Variants in GNPAT observed in about 807,000 individuals in gnomAD.
GNPAT encodes the protein glyceronephosphate O-acyltransferase.
In GNPAT, 30 loss-of-function variants were observed where a neutral mutation model predicts 78.4. The observed-to-expected ratio is 0.38, with a 90% CI of 0.29 to 0.52. The LOEUF (loss-of-function observed/expected upper bound fraction) is 0.52, where lower values mean the gene tolerates loss of function less well. GNPAT is among the 20% of genes least tolerant of loss of function. GNPAT has a pLI of 0.84. For synonymous variants in GNPAT, 271 were observed against 281.1 expected, an observed-to-expected ratio of 0.96 and a Z score of 0.36; for missense variants, 714 against 812.2, an observed-to-expected ratio of 0.88 and a Z score of 1.47.
chr1:231,256,479 CT>C (rs10693276), intron 2 of GNPAT, among the ~76,000 whole-genome samples: 39 of 75,908 alleles, frequency 5.1e-4, no homozygotes, highest in Middle Eastern at 0.015. Context: ...CTAATTTTCT[CT>C]TTTTTTTTTT....
intron 2 of GNPAT, among the ~76,000 whole-genome samples, chr1:231,257,189 G>A (rs755675207): frequency 1.3e-5 from 2 of 152,166 alleles, no homozygotes; most frequent in Non-Finnish European, 2.9e-5. Flanking sequence ...TATTCATTTC[G>A]TTCTAATTCC....
At chr1:231,277,446 G>T in intron 15 of GNPAT, 53 bp from the exon 16 acceptor site, 1 of 1,113,048 alleles carries the variant, frequency 9.0e-7, no homozygotes, top group Non-Finnish European at 1.4e-6. Context: ...AGCTGTATGA[G>T]GAAGGGCAAA....
intron 1 of GNPAT, among the ~76,000 whole-genome samples, chr1:231,248,520 G>A (rs1462190067): frequency 6.6e-6 from 1 of 151,470 alleles, no homozygotes; most frequent in African/African-American, 2.4e-5. Flanking sequence ...TTGAGCTCAG[G>A]AGTTTCAGAC....
chr1:231,262,644 T>C (rs1397820884), intron 3 of GNPAT, 79 bp from the exon 4 acceptor site: 14 of 1,132,366 alleles, frequency 1.2e-5, no homozygotes, highest in Middle Eastern at 2.0e-4. Flanking sequence ...TATAGACTTA[T>C]TCTTCCGTTT....
intron 2 of GNPAT, among the ~76,000 whole-genome samples, chr1:231,259,429 C>T (rs552240600): frequency 1.3e-5 from 2 of 152,136 alleles, no homozygotes; most frequent in East Asian, 3.9e-4. Flanking sequence ...GGGCGGATCA[C>T]CTGAGGTCGG....
chr1:231,276,526 TCTCA>T (rs1270547718), intron 15 of GNPAT, among the ~76,000 whole-genome samples: 2 of 152,236 alleles, frequency 1.3e-5, no homozygotes, highest in African/African-American at 2.4e-5. Flanking sequence ...TGTTTGATGC[TCTCA>T]CTGTCTGTCT....
In GNPAT at chr1:231,277,558, T is replaced by C. The variant is rs1410170212; in HGVS notation, c.*16T>C. 6 of 1,512,568 alleles carry C rather than the reference T, an allele frequency of 4.0e-6. No individual in the cohort carries two copies. The highest frequency in any genetic ancestry group is 5.5e-6 in the Non-Finnish European group (6 of 1,087,332). The allele number at this position is 1,512,568 out of a possible 1,614,324, so 93.7% of individuals were successfully genotyped here. ...AAAACTTTAATAATCAACAAATAGT[T>C]ATGGAAAATTCGGTCACGTAATTAC... On this transcript the variant is annotated 3_prime_UTR_variant, in exon 16 of 16. Coordinates refer to ENST00000366647, the MANE Select transcript of GNPAT (RefSeq NM_014236.4).
chr1:231,242,606 T>C (rs1684643923), intron 1 of GNPAT, among the ~76,000 whole-genome samples: 1 of 152,246 alleles, frequency 6.6e-6, no homozygotes, highest in South Asian at 2.1e-4. Flanking sequence ...CTTTGTTTTC[T>C]GACTCTGCTA....
At chr1:231,272,047 C>T (rs1343576511) in intron 10 of GNPAT, among the ~76,000 whole-genome samples, 2 of 152,158 alleles carry the variant, frequency 1.3e-5, no homozygotes, top group African/African-American at 4.8e-5. Flanking sequence ...TTGCAGTGAG[C>T]CAAGATTGCA....
intron 1 of GNPAT, among the ~76,000 whole-genome samples, chr1:231,247,491 T>C (rs542005764): frequency 6.6e-6 from 1 of 152,180 alleles, no homozygotes; most frequent in Admixed American, 6.6e-5. Context: ...GATGACCTGT[T>C]CAATCTAGGT....
chr1:231,256,448 C>T (rs1298555), intron 2 of GNPAT, among the ~76,000 whole-genome samples: 79,664 of 146,302 alleles, frequency 0.54, 21,942 homozygotes, highest in East Asian at 0.61. Context: ...TTCTTTCATA[C>T]GCTGTCAGTC....
chr1:231,251,511 G>T (rs887737548), intron 2 of GNPAT, among the ~76,000 whole-genome samples: 1 of 152,176 alleles, frequency 6.6e-6, no homozygotes, highest in Non-Finnish European at 1.5e-5. Flanking sequence ...GATGTTGCAG[G>T]TGAAGTGGGG....
In GNPAT at chr1:231,265,705, T is replaced by C; in HGVS notation, c.697-7T>C. 6.4e-7 allele frequency: 1 copy of C among 1,559,998 alleles called. No homozygotes were observed. The highest frequency in any genetic ancestry group is 8.8e-7 in the Non-Finnish European group (1 of 1,130,596). Reference sequence around the variant, plus strand: ...GGTTTTGTGTTTTGTTTGTTTTCTCTTTAAAGAATGGTTATGCTCCTGTTG... The same window carrying C: ...GGTTTTGTGTTTTGTTTGTTTTCTCCTTAAAGAATGGTTATGCTCCTGTTG... On this transcript the variant is annotated splice_region_variant and splice_polypyrimidine_tract_variant and intron_variant, in intron 5 of 15. Coordinates refer to ENST00000366647, the MANE Select transcript of GNPAT (RefSeq NM_014236.4).
Position 231,242,109 on chromosome 1 carries a change from G to A in GNPAT, c.78+653G>A, listed in dbSNP as rs116205406. 7.8e-3 allele frequency among the ~76,000 whole-genome samples: 1,186 copies of A among 152,120 alleles called. 22 individuals carry two copies. Among genetic ancestry groups the A allele is most frequent in the African/African-American group, 0.027 (1,119 of 41,514 alleles). On this transcript the variant is annotated intron_variant, in intron 1 of 15. Transcript: ENST00000366647. Reference sequence around the variant, plus strand: ...CCTCTTCCTCTCTTGGTTTTAACGGGTCTTTTTGGCTGGCAGATGTTGGTC... The same window carrying A: ...CCTCTTCCTCTCTTGGTTTTAACGGATCTTTTTGGCTGGCAGATGTTGGTC...
intron 2 of GNPAT, among the ~76,000 whole-genome samples, chr1:231,256,787 A>G (rs763272082): frequency 3.3e-5 from 5 of 152,090 alleles, no homozygotes; most frequent in African/African-American, 4.8e-5. Context: ...CGCCCGGCCA[A>G]TTTTCTCTGT....
chr1:231,274,082 TCTC>T lies in GNPAT; in HGVS notation c.1743+23_1743+25del. ...TATCAGGTATGTAAATTTGGCAAGTTCTCCTTCATGCCCCCCATATCAAATATA... is the reference window on the plus strand; with the variant it reads ...TATCAGGTATGTAAATTTGGCAAGTTCTTCATGCCCCCCATATCAAATATA... On this transcript the variant is annotated intron_variant, in intron 12 of 15. Transcript: ENST00000366647. The T allele has an allele frequency of 2.5e-6, 4 of 1,604,182 alleles. No individual in the cohort carries two copies. Among genetic ancestry groups the T allele is most frequent in the Non-Finnish European group, 3.4e-6 (4 of 1,171,472 alleles).
chr1:231,257,379 T>A (rs1652560986), intron 2 of GNPAT, among the ~76,000 whole-genome samples: 1 of 152,158 alleles, frequency 6.6e-6, no homozygotes, highest in South Asian at 2.1e-4. Context: ...TCCATTCAGG[T>A]CCCAATTTTA....
At chr1:231,257,553 T>C (rs1439494960) in intron 2 of GNPAT, among the ~76,000 whole-genome samples, 1 of 152,220 alleles carries the variant, frequency 6.6e-6, no homozygotes, top group African/African-American at 2.4e-5. Flanking sequence ...TGACATTTCA[T>C]GTTAGATGGT....
At chr1:231,273,692 G>C (rs1262453720) in intron 11 of GNPAT, among the ~76,000 whole-genome samples, 1 of 152,156 alleles carries the variant, frequency 6.6e-6, no homozygotes, top group Non-Finnish European at 1.5e-5. Context: ...GAAATGTTGT[G>C]TTTGAAAACA....
Sources: allele counts gnomAD v4.1 joint callset (sites outside exome capture counted in the v4.1 genomes callset), GRCh38; gene constraint gnomAD v4.1.1; transcripts MANE v1.5; gene names NCBI Gene and HGNC (gene_info 2026-07-23, HGNC 2026-07-21).